The following SLX9 variants were observed in gnomAD, a reference collection of about 807,000 sequenced individuals.
SLX9 encodes SLX9 ribosome biogenesis factor, also known as ribosome biogenesis protein SLX9 homolog.
A neutral mutation model predicts 20.8 loss-of-function variants in SLX9; 19 were observed. The ratio of observed to expected loss-of-function variants is 0.91; its 90% CI spans 0.64 to 1.34. SLX9 has a LOEUF of 1.34. SLX9 is among the 40% of genes most tolerant of loss of function. The pLI, the probability that SLX9 is intolerant of heterozygous loss-of-function variation, is 0.00. For synonymous variants in SLX9, 113 were observed against 137.1 expected, an observed-to-expected ratio of 0.82 and a Z score of 1.23; for missense variants, 299 against 322.2, an observed-to-expected ratio of 0.93 and a Z score of 0.55.
intron 2 of SLX9, among the ~76,000 whole-genome samples, chr21:44,950,249 T>C (rs1287376571): frequency 6.6e-6 from 1 of 150,440 alleles, no homozygotes; most frequent in East Asian, 2.0e-4. Flanking sequence ...AAAAAAAAAA[T>C]CCCTTTTTTA....
At chr21:44,976,269 C>T (rs911616597) in intron 5 of SLX9, among the ~76,000 whole-genome samples, 1 of 150,218 alleles carries the variant, frequency 6.7e-6, no homozygotes, top group Non-Finnish European at 1.5e-5. Flanking sequence ...AGGCCTCTGC[C>T]GGCTCAGGCT....
intron 2 of SLX9, among the ~76,000 whole-genome samples, chr21:44,947,663 C>G (rs1226735665): frequency 6.6e-6 from 1 of 152,038 alleles, no homozygotes; most frequent in African/African-American, 2.4e-5. Flanking sequence ...GAAGCCACAT[C>G]TGACCCCCTG....
At position 44,940,269 on chromosome 21, in the gene SLX9, C is replaced by G. The variant is rs1013011101; in HGVS notation, c.129+83C>G. 1.1e-5 allele frequency: 13 copies of G among 1,191,212 alleles called. No individual in the cohort carries two copies. In the Admixed American group the frequency reaches 5.4e-4, roughly 49 times the overall value. The allele number at this position is 1,191,212 out of a possible 1,614,324, so 73.8% of individuals were successfully genotyped here. A position where few individuals can be genotyped will look rare whatever the true frequency, so the allele number is the denominator to read the frequency against. On this transcript the variant is annotated intron_variant, in intron 1 of 5. Coordinates refer to ENST00000291634, the MANE Select transcript of SLX9 (RefSeq NM_058190.4). The stretch of plus-strand genomic sequence containing the variant: ...GCGGGGCGCCGCCTCCGGGAGGGTT[C>G]CGCGACCCCGGCCTTCCCTCGGGCT...
At chr21:44,961,020 T>C (rs1302201169) in intron 3 of SLX9, among the ~76,000 whole-genome samples, 3 of 152,246 alleles carry the variant, frequency 2.0e-5, no homozygotes, top group African/African-American at 7.2e-5. Context: ...TAGAAAACTT[T>C]GTCAGTTTCT....
chr21:44,965,011 C>T (rs1311181003), intron 3 of SLX9, among the ~76,000 whole-genome samples: 1 of 152,218 alleles, frequency 6.6e-6, no homozygotes, highest in African/African-American at 2.4e-5. Flanking sequence ...AGCACTTTTG[C>T]CACGCTGTTA....
chr21:44,963,124 C>T (rs1297153602), intron 3 of SLX9, among the ~76,000 whole-genome samples: 15 of 148,048 alleles, frequency 1.0e-4, no homozygotes, highest in Admixed American at 8.8e-4. Flanking sequence ...GAGTCTTGCT[C>T]TGTCGCCAGG....
chr21:44,947,482 T>G (rs149904508), intron 2 of SLX9, among the ~76,000 whole-genome samples: 1 of 152,084 alleles, frequency 6.6e-6, no homozygotes, highest in East Asian at 1.9e-4. Flanking sequence ...CCTCCCCCAC[T>G]CTAGCCCTGG....
intron 5 of SLX9, among the ~76,000 whole-genome samples, chr21:44,975,765 G>A (rs1240349497): frequency 2.0e-5 from 3 of 152,258 alleles, no homozygotes; most frequent in East Asian, 3.9e-4. Flanking sequence ...GGCAGTGGCA[G>A]GAGGAGGTGG....
chr21:44,943,695 C>A lies in SLX9; in HGVS notation c.141C>A (p.Phe47Leu). ...PASAAGKDWAFINTNIFARTK... is the reference protein window; with the variant it reads ...PASAAGKDWALINTNIFARTK... ...GTTGGGGACATTAGGACTGGGCGTT[C>A]ATCAACACCAACATCTTTGCCAGGA... The change falls in exon 2 of 6, where the codon TTC (phenylalanine) becomes TTA (leucine). Residue 47 changes from phenylalanine to leucine, a missense_variant. Transcript: ENST00000291634. 6.2e-7 allele frequency: 1 copy of A among 1,614,104 alleles called. No homozygotes were observed. Among genetic ancestry groups the A allele is most frequent in the East Asian group, 2.2e-5 (1 of 44,890 alleles).
In SLX9 at chr21:44,976,744, G is replaced by T. The variant is rs3737075; in HGVS notation, c.634G>T (p.Val212Leu). 7.0e-6 allele frequency: 11 copies of T among 1,564,098 alleles called. No homozygotes were observed. The African/African-American group carries it at 1.1e-4, about 15-fold the overall frequency. The change falls in exon 6 of 6, where the codon GTG (valine) becomes TTG (leucine). Residue 212 changes from valine (V) to leucine (L), a missense_variant. Transcript: ENST00000291634. ...ASPAYRASPLVAIGQTLARQM... is the reference protein window; with the variant it reads ...ASPAYRASPLLAIGQTLARQM... The stretch of plus-strand genomic sequence containing the variant: ...TCCGGCCTACAGAGCCAGCCCCCTG[G>T]TGGCCATCGGGCAGACGCTGGCCCG...
chr21:44,963,919 A>G (rs2084989290), intron 3 of SLX9, among the ~76,000 whole-genome samples: 1 of 152,220 alleles, frequency 6.6e-6, no homozygotes, highest in Non-Finnish European at 1.5e-5. Context: ...ATAAATTATC[A>G]TTAGCTTGTC....
intron 2 of SLX9, among the ~76,000 whole-genome samples, chr21:44,950,334 CTCCCAAGTTAAAATAAGA>C (rs1416871861): frequency 1.3e-5 from 2 of 151,934 alleles, no homozygotes; most frequent in Non-Finnish European, 2.9e-5. Flanking sequence ...CTTATATCTA[CTCCCAAGTTAAAATAAGA>C]ACAAACTGAC....
At chr21:44,939,989 CCGGG>C, upstream of SLX9, 1 of 1,356,510 alleles carries the variant, frequency 7.4e-7, no homozygotes. Context: ...CCTGTTTCCG[CCGGG>C]CGGCGAGAAC....
intron 2 of SLX9, among the ~76,000 whole-genome samples, chr21:44,953,190 G>A (rs1369680070): frequency 2.0e-5 from 3 of 152,240 alleles, no homozygotes; most frequent in African/African-American, 7.2e-5. Flanking sequence ...AGGTGGCAGC[G>A]AGTGCCCCCC....
rs577814934 is a variant in SLX9, at chr21:44,976,717, A to T, written c.607A>T (p.Ser203Cys). 3.2e-6 allele frequency: 5 copies of T among 1,575,018 alleles called. No individual in the cohort carries two copies. Among genetic ancestry groups the T allele is most frequent in the Admixed American group, 3.6e-5 (2 of 55,174 alleles). ...ERTRFQELLA[S>C]PAYRASPLVA... ...GACCCGGTTTCAGGAGCTGCTGGCC[A>T]GTCCGGCCTACAGAGCCAGCCCCCT... The change falls in exon 6 of 6, where the codon AGT (serine) becomes TGT (cysteine). Residue 203 changes from serine (S) to cysteine (C), a missense_variant. Coordinates refer to ENST00000291634, the MANE Select transcript of SLX9 (RefSeq NM_058190.4).
Position 44,955,187 on chromosome 21 carries a change from G to A in SLX9, c.284-4913G>A, listed in dbSNP as rs146781598. On this transcript the variant is annotated intron_variant, in intron 2 of 5. Transcript: ENST00000291634. ...CGTGCCACTGCGCTCCAGCCTGGGC[G>A]ACAGAGTGGGACTTTGTCTCAAAAA... is the stretch of plus-strand genomic sequence containing the variant. Among the ~76,000 whole-genome samples, 491 of 143,738 alleles carry A rather than the reference G, an allele frequency of 3.4e-3. 2 individuals carry two copies. The highest frequency in any genetic ancestry group is 0.01 in the Middle Eastern group (3 of 286). 94.3% of individuals were successfully genotyped at this position (143,738 alleles called of 152,430 possible). A position where few individuals can be genotyped will look rare whatever the true frequency, so the allele number is the denominator to read the frequency against.
chr21:44,955,837 T>A (rs2084847906), intron 2 of SLX9, among the ~76,000 whole-genome samples: 1 of 151,834 alleles, frequency 6.6e-6, no homozygotes, highest in Admixed American at 6.5e-5. Flanking sequence ...GTAAAGACAT[T>A]TGTAGATCAA....
In SLX9 at chr21:44,956,454, C is replaced by T. The variant is rs531902951; in HGVS notation, c.284-3646C>T. On this transcript the variant is annotated intron_variant, in intron 2 of 5. Coordinates refer to ENST00000291634, the MANE Select transcript of SLX9 (RefSeq NM_058190.4). The stretch of plus-strand genomic sequence containing the variant: ...TTTCAGCTTGCATTCACCCAGAAGG[C>T]GTGGCGAGAAGAACCTCGGCACCAC... Among the ~76,000 whole-genome samples, 8 of 152,314 alleles carry T rather than the reference C, an allele frequency of 5.3e-5. No individual in the cohort carries two copies. In the South Asian group the frequency reaches 1.4e-3, roughly 28 times the overall value.
At chr21:44,949,946 G>A (rs921367531) in intron 2 of SLX9, among the ~76,000 whole-genome samples, 1 of 152,230 alleles carries the variant, frequency 6.6e-6, no homozygotes, top group Admixed American at 6.5e-5. Context: ...GCAGAGGGCA[G>A]CAGAGCTGTG....
Sources: gnomAD v4.1 joint callset for allele counts (sites outside exome capture counted in the v4.1 genomes callset) on GRCh38, gnomAD v4.1.1 for gene constraint, MANE v1.5 for transcripts, NCBI Gene and HGNC (gene_info 2026-07-23, HGNC 2026-07-21) for gene names.